ATP10D: variants seen among roughly 807,000 people sequenced by gnomAD.
ATP10D encodes phospholipid-transporting ATPase VD.
Under a neutral mutation model 144.8 loss-of-function variants are expected in ATP10D, and 89 were observed. The observed-to-expected ratio is 0.61, with a 90% CI of 0.52 to 0.73. The LOEUF (loss-of-function observed/expected upper bound fraction) is 0.73. Among genes scored for constraint, ATP10D ranks in the 30% least tolerant of loss-of-function variants. The pLI is 0.00. For synonymous variants in ATP10D, 571 were observed against 615.1 expected (o/e 0.93, Z 1.06); for missense variants, 1,603 against 1,714.8 (o/e 0.93, Z 1.15).
At chr4:47,544,076 A>T (rs112800177) in intron 9 of ATP10D, among the ~76,000 whole-genome samples, 8 of 152,338 alleles carry the variant, frequency 5.3e-5, no homozygotes, top group Non-Finnish European at 1.2e-4. Flanking sequence ...ATATAGGTAG[A>T]TTCAGAAACA....
At chr4:47,572,070 T>C (rs1220433478) in intron 16 of ATP10D, 84 bp from the exon 17 acceptor site, 8 of 1,216,198 alleles carry the variant, frequency 6.6e-6, no homozygotes, top group Non-Finnish European at 9.7e-6. Flanking sequence ...ATTTGTTCAC[T>C]TGAGCTGCCC....
chr4:47,519,136 G>A (rs1716822312), intron 3 of ATP10D, among the ~76,000 whole-genome samples: 1 of 152,080 alleles, frequency 6.6e-6, no homozygotes, highest in Admixed American at 6.5e-5. Flanking sequence ...ATACCAAAAA[G>A]AATAATTAAT....
At position 47,515,548 on chromosome 4, in the gene ATP10D, A is replaced by G; in HGVS notation, c.363A>G (p.Glu121=). ...CTTTGGTAGAAGCCTTCCAAAAGGA[A>G]ATCACCATGTTGCCTCTGGTGGTGG... ...WVPLVEAFQK[E]ITMLPLVVVL... is the part of the protein sequence containing the mutation. Residue 121 remains glutamate, a synonymous_variant, in exon 3 of 23, where the codon GAA becomes GAG. Coordinates refer to ENST00000273859, the MANE Select transcript of ATP10D (RefSeq NM_020453.4). 6.2e-7 allele frequency: 1 copy of G among 1,613,906 alleles called. No homozygotes were observed.
Position 47,558,126 on chromosome 4 carries a change from A to G in ATP10D, c.2287A>G (p.Thr763Ala). The G allele has an allele frequency of 6.2e-7, 1 of 1,614,164 alleles. No individual in the cohort carries two copies. The highest frequency in any genetic ancestry group is 2.2e-5 in the East Asian group (1 of 44,876). ...GGACTTTGCTGCTTTGGGACCATTAACATTTCAACTCCTACACATCCTGCC... is the reference window on the plus strand; with the variant it reads ...GGACTTTGCTGCTTTGGGACCATTAGCATTTCAACTCCTACACATCCTGCC... ...MVDFAALGPL[T>A]FQLLHILPFD... Residue 763 changes from threonine (T) to alanine (A), a missense_variant, in exon 12 of 23, where the codon ACA becomes GCA. Coordinates refer to ENST00000273859, the MANE Select transcript of ATP10D (RefSeq NM_020453.4).
chr4:47,497,282 C>A (rs1445258291), intron 1 of ATP10D, among the ~76,000 whole-genome samples: 1 of 152,056 alleles, frequency 6.6e-6, no homozygotes, highest in African/African-American at 2.4e-5. Context: ...GTGGAGAAAT[C>A]CCGTCTCTAC....
chr4:47,523,440 T>G (rs74504545), intron 4 of ATP10D, among the ~76,000 whole-genome samples: 2 of 152,236 alleles, frequency 1.3e-5, no homozygotes, highest in Non-Finnish European at 2.9e-5. Context: ...GTAGCACTCA[T>G]ATTTTTGAGA....
chr4:47,505,510 G>A (rs1715971078), intron 1 of ATP10D, among the ~76,000 whole-genome samples: 1 of 152,096 alleles, frequency 6.6e-6, no homozygotes, highest in South Asian at 2.1e-4. Context: ...GATCACCTGA[G>A]GTCAAGAGTT....
At chr4:47,527,451 C>T (rs980907255) in intron 5 of ATP10D, among the ~76,000 whole-genome samples, 21 of 152,044 alleles carry the variant, frequency 1.4e-4, no homozygotes, top group Non-Finnish European at 2.2e-4. Flanking sequence ...TAAAAGAACT[C>T]ATCAAAATTT....
chr4:47,591,931 C>G lies in ATP10D; in HGVS notation c.*550C>G, dbSNP rs911529962. ...ATACTGCTTAAAATACAGTTAGTGC[C>G]TATTAATAGCTTTTTATTTCCTATG... On this transcript the variant is annotated 3_prime_UTR_variant, in exon 23 of 23. Transcript: ENST00000273859. 1 of 152,034 alleles carries G rather than the reference C, an allele frequency of 6.6e-6. No homozygotes were observed. The highest frequency in any genetic ancestry group is 1.5e-5 in the Non-Finnish European group (1 of 68,018). 9.4% of individuals were successfully genotyped at this position (152,034 alleles called of 1,614,324 possible).
intron 1 of ATP10D, among the ~76,000 whole-genome samples, chr4:47,511,439 T>C (rs572290477): frequency 5.3e-5 from 8 of 152,320 alleles, no homozygotes; most frequent in African/African-American, 1.9e-4. Context: ...AAAGTGATTG[T>C]CTGCCTGTAA....
At chr4:47,555,758 C>CT (rs1000233645) in intron 11 of ATP10D, among the ~76,000 whole-genome samples, 40 of 147,106 alleles carry the variant, frequency 2.7e-4, no homozygotes, top group African/African-American at 4.2e-4. Context: ...TTTTTTCTTC[C>CT]TTTTTTTTTT....
chr4:47,491,307 A>C (rs554287325), intron 1 of ATP10D: 88 of 856,164 alleles, frequency 1.0e-4, no homozygotes, highest in Non-Finnish European at 1.5e-4. Context: ...CTGGTGGGGC[A>C]TTCCTTTTTG....
At chr4:47,573,184 C>T (rs1005825876) in intron 18 of ATP10D, among the ~76,000 whole-genome samples, 187 bp downstream of exon 18, 13 of 152,192 alleles carry the variant, frequency 8.5e-5, no homozygotes, top group Admixed American at 1.3e-4. Context: ...CTGCTGACAG[C>T]AAATTGCCAG....
intron 17 of ATP10D, 126 bp from the exon 18 acceptor site, chr4:47,572,746 T>G: frequency 2.4e-6 from 3 of 1,241,782 alleles, no homozygotes; most frequent in Non-Finnish European, 3.4e-6. Flanking sequence ...TTTTCATTCA[T>G]GTATGGAACA....
intron 1 of ATP10D, among the ~76,000 whole-genome samples, chr4:47,509,151 G>A (rs1716178747): frequency 6.6e-6 from 1 of 152,104 alleles, no homozygotes; most frequent in African/African-American, 2.4e-5. Flanking sequence ...TTGTCCAACT[G>A]CTGTCTTTCA....
chr4:47,574,204 A>G (rs1249734943), intron 18 of ATP10D, among the ~76,000 whole-genome samples: 1 of 152,168 alleles, frequency 6.6e-6, no homozygotes, highest in Non-Finnish European at 1.5e-5. Flanking sequence ...CTCCAGATTG[A>G]ATCCAACAGT....
chr4:47,573,034 G>A (rs764332155), intron 18 of ATP10D, 37 bp downstream of exon 18: 15 of 1,606,474 alleles, frequency 9.3e-6, no homozygotes, highest in East Asian at 2.2e-5. Flanking sequence ...TTTTCCCTTC[G>A]TACCTTCCAA....
intron 11 of ATP10D, among the ~76,000 whole-genome samples, chr4:47,556,038 G>C (rs957311198): frequency 1.3e-5 from 2 of 152,206 alleles, no homozygotes; most frequent in Non-Finnish European, 2.9e-5. Context: ...ACAGGCATGA[G>C]CCACCACACC....
chr4:47,561,769 G>T (rs1271970490), intron 14 of ATP10D, among the ~76,000 whole-genome samples: 1 of 152,190 alleles, frequency 6.6e-6, no homozygotes, highest in Non-Finnish European at 1.5e-5. Flanking sequence ...CAAGTGATCT[G>T]TTGTGTGGCT....
Sources: allele counts gnomAD v4.1 joint callset (sites outside exome capture counted in the v4.1 genomes callset), GRCh38; gene constraint gnomAD v4.1.1; transcripts MANE v1.5; gene names NCBI Gene and HGNC (gene_info 2026-07-23, HGNC 2026-07-21).